The following GCSAML variants were observed in gnomAD, a reference collection of about 807,000 sequenced individuals.
GCSAML encodes germinal center-associated signaling and motility-like protein.
Under a neutral mutation model 13.0 loss-of-function variants are expected in GCSAML, and 9 were observed. The ratio of observed to expected loss-of-function variants is 0.69; its 90% CI spans 0.42 to 1.21. GCSAML has a LOEUF of 1.21. Ranked by LOEUF, GCSAML falls within the 50% of genes most tolerant of loss-of-function variation. The pLI is 0.00. For synonymous variants in GCSAML, 37 were observed against 52.9 expected, an observed-to-expected ratio of 0.70 and a Z score of 1.31; for missense variants, 143 against 153.4, an observed-to-expected ratio of 0.93 and a Z score of 0.36.
rs1314341961 is a variant in GCSAML at position 247,576,055 on chromosome 1, A to G, written c.*1673A>G. Reference sequence around the variant, plus strand: ...TTTTTGGATTTTGGAATATTTCCATACATATAATGAGAGAGTTGGAAAATG... The same window carrying G: ...TTTTTGGATTTTGGAATATTTCCATGCATATAATGAGAGAGTTGGAAAATG... On this transcript the variant is annotated 3_prime_UTR_variant, in exon 5 of 5. Transcript: ENST00000366488. 1.3e-5 allele frequency: 2 copies of G among 152,198 alleles called. No individual in the cohort carries two copies. The highest frequency in any genetic ancestry group is 1.9e-4 in the East Asian group (1 of 5,198). The allele number at this position is 152,198 out of a possible 1,614,324, so 9.4% of individuals were successfully genotyped here.
chr1:247,542,693 C>T (rs947323816), intron 2 of GCSAML, among the ~76,000 whole-genome samples: 4 of 152,228 alleles, frequency 2.6e-5, no homozygotes, highest in Admixed American at 1.3e-4. Flanking sequence ...TTTTAAACTA[C>T]AGTATCTAGT....
chr1:247,563,892 G>T (rs1385376294), intron 3 of GCSAML, among the ~76,000 whole-genome samples: 1 of 151,872 alleles, frequency 6.6e-6, no homozygotes, highest in Non-Finnish European at 1.5e-5. Flanking sequence ...TTGTATATTG[G>T]TGTTCTAAAA....
chr1:247,546,445 G>C (rs1463250164), upstream of GCSAML, among the ~76,000 whole-genome samples: 1 of 151,994 alleles, frequency 6.6e-6, no homozygotes, highest in African/African-American at 2.4e-5. Flanking sequence ...TGCAAACTCC[G>C]CCTTCCGGGT....
chr1:247,574,380 TAA>T lies in GCSAML; in HGVS notation c.*1_*2del. On this transcript the variant is annotated frameshift_variant and stop_lost, in exon 5 of 5. Coordinates refer to ENST00000366488, the MANE Select transcript of GCSAML (RefSeq NM_145278.5). LOFTEE classifies it high-confidence loss of function. ...EHDYEVVFPH[*>X] is the part of the protein sequence containing the mutation. ...TGATTATGAAGTTGTGTTTCCACAC[TAA>T]AATCCTCAAGCTGCTTTATCACCTT... 1 of 1,613,850 alleles carries T rather than the reference TAA, an allele frequency of 6.2e-7. No individual in the cohort carries two copies. The highest frequency in any genetic ancestry group is 8.5e-7 in the Non-Finnish European group (1 of 1,179,866).
intron 2 of GCSAML, among the ~76,000 whole-genome samples, chr1:247,562,700 C>G (rs1294576755): frequency 6.6e-6 from 1 of 152,100 alleles, no homozygotes; most frequent in Admixed American, 6.6e-5. Context: ...GTCTGACTGA[C>G]AGAGAAATAA....
rs1268510416 is a variant in GCSAML, at chr1:247,574,638, TA to T, written c.*264del. The T allele has an allele frequency of 2.8e-5, 12 of 429,122 alleles. No homozygotes were observed. Among genetic ancestry groups the T allele is most frequent in the Non-Finnish European group, 4.1e-5 (10 of 244,160 alleles). 26.6% of individuals were successfully genotyped at this position (429,122 alleles called of 1,614,324 possible). A position where few individuals can be genotyped will look rare whatever the true frequency, so the allele number is the denominator to read the frequency against. ...GTAAAGTTTGAGGACATGGAGGTGA[TA>T]AAAAAAACTTTCTTAGGACAATAAT... On this transcript the variant is annotated 3_prime_UTR_variant, in exon 5 of 5. Transcript: ENST00000366488.
chr1:247,514,021 G>A (rs564059340), intron 1 of GCSAML, among the ~76,000 whole-genome samples: 514 of 151,762 alleles, frequency 3.4e-3, no homozygotes, highest in Non-Finnish European at 5.3e-3. Flanking sequence ...TTGCTCTGTC[G>A]CCAGGTTGGA....
chr1:247,531,308 A>G, intron 2 of GCSAML: 1 of 524,796 alleles, frequency 1.9e-6, no homozygotes, highest in Non-Finnish European at 3.4e-6. Flanking sequence ...AAACAAGATG[A>G]CAGTCAACAT....
At chr1:247,567,512 C>A (rs957444031) in intron 4 of GCSAML, among the ~76,000 whole-genome samples, 4 of 152,114 alleles carry the variant, frequency 2.6e-5, no homozygotes, top group Non-Finnish European at 5.9e-5. Flanking sequence ...TAAACTTATT[C>A]TTTTTTATGG....
chr1:247,549,368 G>A lies in GCSAML; in HGVS notation c.29+148G>A, dbSNP rs992937354. The A allele has an allele frequency of 1.7e-5, 10 of 598,632 alleles. 1 individual carries two copies. The highest frequency in any genetic ancestry group is 2.8e-5 in the East Asian group (1 of 36,076). The allele number at this position is 598,632 out of a possible 1,614,324, so 37.1% of individuals were successfully genotyped here. ...GCATCCTCTAGGAGCACACAGTGAC[G>A]CCCAGTTGGCTCCTTCTCTTGCCTT... On this transcript the variant is annotated intron_variant, in intron 1 of 4. Transcript: ENST00000366488.
chr1:247,515,771 C>T (rs181271100), intron 1 of GCSAML, among the ~76,000 whole-genome samples: 1 of 152,286 alleles, frequency 6.6e-6, no homozygotes, highest in East Asian at 1.9e-4. Context: ...AGCAAGGAAG[C>T]AATCTGCCCT....
At chr1:247,513,727 G>A (rs539963036) in intron 1 of GCSAML, among the ~76,000 whole-genome samples, 3 of 152,152 alleles carry the variant, frequency 2.0e-5, no homozygotes, top group Non-Finnish European at 4.4e-5. Context: ...ATTCCTCAGG[G>A]CACAGTCTCT....
At chr1:247,515,133 T>G (rs1338162956) in intron 1 of GCSAML, among the ~76,000 whole-genome samples, 1 of 152,200 alleles carries the variant, frequency 6.6e-6, no homozygotes, top group Admixed American at 6.5e-5. Context: ...ATGTCATTAT[T>G]TTTAAAATGC....
At chr1:247,545,340 A>G (rs1167038659), upstream of GCSAML, among the ~76,000 whole-genome samples, 1 of 152,260 alleles carries the variant, frequency 6.6e-6, no homozygotes, top group African/African-American at 2.4e-5. Context: ...ACAAATATGT[A>G]CAATTTTTTA....
intron 4 of GCSAML, among the ~76,000 whole-genome samples, chr1:247,567,938 CT>C (rs745900334): frequency 2.4e-4 from 37 of 152,084 alleles, no homozygotes; most frequent in East Asian, 2.3e-3. Context: ...TGATGATTAG[CT>C]TTTTTTTCTT....
Position 247,574,473 on chromosome 1 carries a change from A to G in GCSAML, c.*91A>G. 1 of 1,377,820 alleles carries G rather than the reference A, an allele frequency of 7.3e-7. No individual in the cohort carries two copies. The highest frequency in any genetic ancestry group is 2.1e-5 in the Admixed American group (1 of 47,318). 85.3% of individuals were successfully genotyped at this position (1,377,820 alleles called of 1,614,324 possible). ...GTTGTTCACCCTGAGCAGTGCATGAAACATTCCTTTCTGGCTAAAGTTTAG... is the reference window on the plus strand; with the variant it reads ...GTTGTTCACCCTGAGCAGTGCATGAGACATTCCTTTCTGGCTAAAGTTTAG... On this transcript the variant is annotated 3_prime_UTR_variant, in exon 5 of 5. Coordinates refer to ENST00000366488, the MANE Select transcript of GCSAML (RefSeq NM_145278.5).
chr1:247,522,756 C>T (rs947757506), intron 1 of GCSAML, among the ~76,000 whole-genome samples: 2 of 152,134 alleles, frequency 1.3e-5, no homozygotes, highest in Non-Finnish European at 2.9e-5. Flanking sequence ...ATCTCAAGTA[C>T]CCAGGGACAC....
intron 1 of GCSAML, among the ~76,000 whole-genome samples, chr1:247,515,231 A>G (rs1666171699): frequency 6.6e-6 from 1 of 152,232 alleles, no homozygotes; most frequent in African/African-American, 2.4e-5. Flanking sequence ...CCAGATAATG[A>G]GTTAAGTAAT....
At chr1:247,559,116 A>G (rs1352597903) in intron 2 of GCSAML, among the ~76,000 whole-genome samples, 1 of 152,222 alleles carries the variant, frequency 6.6e-6, no homozygotes, top group African/African-American at 2.4e-5. Flanking sequence ...TCTGGCACCA[A>G]CACTCAATAC....
Sources: gnomAD v4.1 joint callset for allele counts (sites outside exome capture counted in the v4.1 genomes callset) on GRCh38, gnomAD v4.1.1 for gene constraint, MANE v1.5 for transcripts, NCBI Gene and HGNC (gene_info 2026-07-23, HGNC 2026-07-21) for gene names.